Variants in PLSCR2 observed in about 807,000 individuals in gnomAD.
PLSCR2 encodes the protein phospholipid scramblase 2.
Under a neutral mutation model 25.3 loss-of-function variants are expected in PLSCR2, and 18 were observed. The ratio of observed to expected loss-of-function variants is 0.71; its 90% confidence interval spans 0.49 to 1.06. The LOEUF (loss-of-function observed/expected upper bound fraction) is 1.06. PLSCR2 is among the 50% of genes least tolerant of loss of function. The pLI is 0.00. For synonymous variants in PLSCR2, 88 were observed against 87.3 expected, an observed-to-expected ratio of 1.01 and a Z score of -0.04; for missense variants, 243 against 269.5, an observed-to-expected ratio of 0.90 and a Z score of 0.69.
At chr3:146,450,971 ATAAAG>A (rs1200582363) in intron 5 of PLSCR2, among the ~76,000 whole-genome samples, 7 of 151,980 alleles carry the variant, frequency 4.6e-5, no homozygotes, top group African/African-American at 1.4e-4. Context: ...AAAAAAATTT[ATAAAG>A]TATAGATAAT....
chr3:146,465,838 G>A (rs770079717), intron 1 of PLSCR2, among the ~76,000 whole-genome samples: 1 of 152,198 alleles, frequency 6.6e-6, no homozygotes, highest in African/African-American at 2.4e-5. Flanking sequence ...TACATGATAT[G>A]TAAATTTTAT....
At chr3:146,479,132 CA>C (rs1289371208) in intron 1 of PLSCR2, among the ~76,000 whole-genome samples, 1 of 152,126 alleles carries the variant, frequency 6.6e-6, no homozygotes, top group East Asian at 1.9e-4. Flanking sequence ...CCAGCCACTG[CA>C]AAACATGCCA....
downstream of PLSCR2, among the ~76,000 whole-genome samples, chr3:146,429,508 A>T (rs1194488986): frequency 6.6e-6 from 1 of 152,192 alleles, no homozygotes; most frequent in Non-Finnish European, 1.5e-5. Flanking sequence ...AAGAGTGATG[A>T]CTGAGGGTAT....
chr3:146,399,148 G>A (rs1450727575), intron 2 of PLSCR2, among the ~76,000 whole-genome samples: 4 of 151,744 alleles, frequency 2.6e-5, no homozygotes, highest in South Asian at 2.1e-4. Flanking sequence ...TTTTTAAATT[G>A]CCATGCCCAT....
At chr3:146,406,860 C>T (rs541820625) in intron 2 of PLSCR2, among the ~76,000 whole-genome samples, 57 of 152,228 alleles carry the variant, frequency 3.7e-4, no homozygotes, top group African/African-American at 1.2e-3. Context: ...GGCAGGACCC[C>T]GTCTGGTCAG....
In PLSCR2 at chr3:146,467,750, G is replaced by A. The variant is rs114016975; in HGVS notation, c.-292-7466C>T. Among the ~76,000 whole-genome samples, 481 of 152,200 alleles carry A rather than the reference G, an allele frequency of 3.2e-3. 4 individuals are homozygous for A. The highest frequency in any genetic ancestry group is 0.011 in the African/African-American group (463 of 41,530). ...ATTTAGTTGGAGTAGTGGTGGCATT[G>A]TCAGGAAAGTCAGAGCGGAGAGTTG... On this transcript the variant is annotated intron_variant, in intron 1 of 8. Transcript: ENST00000336685.
intron 1 of PLSCR2, among the ~76,000 whole-genome samples, chr3:146,471,311 G>A (rs901110305): frequency 1.3e-5 from 2 of 151,926 alleles, no homozygotes; most frequent in Non-Finnish European, 2.9e-5. Flanking sequence ...ACACCTCTTC[G>A]ATTCTAGAAT....
chr3:146,392,173 TAA>T, intron 3 of PLSCR2, among the ~76,000 whole-genome samples: 1 of 152,266 alleles, frequency 6.6e-6, no homozygotes, highest in East Asian at 1.9e-4. Context: ...GCTGTTTATT[TAA>T]GTTTGCTACA....
intron 1 of PLSCR2, among the ~76,000 whole-genome samples, chr3:146,490,120 G>A (rs780269244): frequency 1.3e-5 from 2 of 152,040 alleles, no homozygotes; most frequent in Non-Finnish European, 2.9e-5. Flanking sequence ...CTCTCTTACT[G>A]TGGACTTCTG....
chr3:146,404,648 A>C (rs2108012649), intron 2 of PLSCR2, among the ~76,000 whole-genome samples: 1 of 152,296 alleles, frequency 6.6e-6, no homozygotes, highest in East Asian at 1.9e-4. Context: ...CAACATCTAG[A>C]GTCTCATCTG....
At chr3:146,476,223 GC>G (rs1199594619) in intron 1 of PLSCR2, among the ~76,000 whole-genome samples, 1 of 152,066 alleles carries the variant, frequency 6.6e-6, no homozygotes, top group Non-Finnish European at 1.5e-5. Context: ...GACTGACTAG[GC>G]AGTTGGTGTG....
At chr3:146,455,332 G>T (rs761000998) in exon 4 of PLSCR2, 14 of 1,613,778 alleles carry the variant, frequency 8.7e-6, no homozygotes, top group Non-Finnish European at 1.2e-5. Context: ...TAATCCTCAA[G>T]GTAAAAGGTC....
At chr3:146,416,499 C>T (rs2039011681) in intron 2 of PLSCR2, 1 of 152,082 alleles carries the variant, frequency 6.6e-6, no homozygotes, top group Non-Finnish European at 1.5e-5. Context: ...AACACATTGC[C>T]ATACCTGATG....
chr3:146,489,130 C>T (rs1410439053), intron 1 of PLSCR2, among the ~76,000 whole-genome samples: 1 of 151,942 alleles, frequency 6.6e-6, no homozygotes. Context: ...AGCACATAGA[C>T]ACAGGGAGGG....
downstream of PLSCR2, among the ~76,000 whole-genome samples, chr3:146,439,057 A>C (rs1053178049): frequency 3.3e-5 from 5 of 152,208 alleles, no homozygotes; most frequent in South Asian, 2.1e-4. Flanking sequence ...TGGATATGAA[A>C]TACTGGGTTG....
downstream of PLSCR2, among the ~76,000 whole-genome samples, chr3:146,438,602 C>T (rs539726172): frequency 3.1e-4 from 47 of 151,960 alleles, 2 homozygotes; most frequent in South Asian, 9.4e-3. Flanking sequence ...GCAAACCCTG[C>T]TTTTTTTTGT....
chr3:146,440,638 T>C (rs1044748864), downstream of PLSCR2, among the ~76,000 whole-genome samples: 2 of 152,162 alleles, frequency 1.3e-5, no homozygotes, highest in Admixed American at 1.3e-4. Flanking sequence ...ATCATCCATC[T>C]TCTGGGTTGC....
upstream of PLSCR2, among the ~76,000 whole-genome samples, chr3:146,462,716 C>T (rs2041669327): frequency 6.6e-6 from 1 of 152,076 alleles, no homozygotes; most frequent in African/African-American, 2.4e-5. Context: ...CTGCCCACTG[C>T]GGCCTCCCAA....
intron 2 of PLSCR2, among the ~76,000 whole-genome samples, chr3:146,405,257 G>T (rs1369671802): frequency 6.6e-6 from 1 of 152,172 alleles, no homozygotes; most frequent in Non-Finnish European, 1.5e-5. Context: ...AGGTGCAGGG[G>T]CTTTAAGACT....
Sources: gnomAD v4.1 joint callset for allele counts (sites outside exome capture counted in the v4.1 genomes callset) on GRCh38, gnomAD v4.1.1 for gene constraint, MANE v1.5 for transcripts, NCBI Gene and HGNC (gene_info 2026-07-23, HGNC 2026-07-21) for gene names.